UBXN11: variants seen among roughly 807,000 people sequenced by gnomAD.
UBXN11 encodes UBX domain-containing protein 11.
In UBXN11, 47 loss-of-function variants were observed where a neutral mutation model predicts 62.8. The observed-to-expected ratio is 0.75, with a 90% CI of 0.59 to 0.95. The LOEUF (loss-of-function observed/expected upper bound fraction) is 0.95, where lower values mean the gene tolerates loss of function less well. UBXN11 is among the 40% of genes least tolerant of loss of function. The pLI is 0.00. For missense variants in UBXN11, 638 were observed against 661.7 expected (o/e 0.96, Z 0.39); for synonymous variants, 294 against 267.0 (o/e 1.10, Z -0.99).
chr1:26,301,731 C>T lies in UBXN11; in HGVS notation c.72-9G>A, dbSNP rs753243324. The T allele has an allele frequency of 6.2e-7, 1 of 1,613,954 alleles. No individual in the cohort carries two copies. The highest frequency in any genetic ancestry group is 1.7e-5 in the Admixed American group (1 of 59,996). On this transcript the variant is annotated splice_polypyrimidine_tract_variant and intron_variant, in intron 2 of 14. Coordinates refer to ENST00000374222, the MANE Select transcript of UBXN11 (RefSeq NM_001389556.1). ...TGCGGATTCCTCGCCTCCTGGGAACCCAGGCAGGAAGAAGGAAGAAATATA... is the reference window on the plus strand; with the variant it reads ...TGCGGATTCCTCGCCTCCTGGGAACTCAGGCAGGAAGAAGGAAGAAATATA...
At chr1:26,306,748 TA>T (rs2073677283), upstream of UBXN11, 1 of 144,974 alleles carries the variant, frequency 6.9e-6, no homozygotes, top group South Asian at 2.2e-4. Context: ...GCTCGGATTC[TA>T]TTGGCCCACA....
At chr1:26,285,729 C>T (rs986648095) in intron 9 of UBXN11, 94 bp downstream of exon 9, 72 of 1,474,528 alleles carry the variant, frequency 4.9e-5, no homozygotes, top group Middle Eastern at 4.8e-4. Flanking sequence ...CCGTGGAGGG[C>T]AGGCTGGGCC....
chr1:26,302,113 C>T (rs932182149), intron 2 of UBXN11, among the ~76,000 whole-genome samples: 3 of 152,136 alleles, frequency 2.0e-5, no homozygotes, highest in Non-Finnish European at 4.4e-5. Flanking sequence ...GCTGGTAATT[C>T]CAGCACTTTG....
chr1:26,293,168 C>G (rs1334039964), intron 8 of UBXN11, among the ~76,000 whole-genome samples: 1 of 152,216 alleles, frequency 6.6e-6, no homozygotes, highest in African/African-American at 2.4e-5. Flanking sequence ...CTCCTTGTAA[C>G]TCCCAGGGAA....
chr1:26,286,132 T>A, intron 8 of UBXN11, 95 bp from the exon 9 acceptor site: 1 of 1,153,584 alleles, frequency 8.7e-7, no homozygotes, highest in South Asian at 1.6e-5. Flanking sequence ...TGGGCAGTGG[T>A]CTTAATGTCT....
intron 6 of UBXN11, 149 bp downstream of exon 6, chr1:26,297,278 G>T: frequency 2.1e-6 from 2 of 945,574 alleles, no homozygotes; most frequent in Non-Finnish European, 3.1e-6. Context: ...ATATGCTGCA[G>T]CCCCTCTGTG....
chr1:26,294,980 C>T (rs1479237484), intron 7 of UBXN11, among the ~76,000 whole-genome samples: 2 of 152,184 alleles, frequency 1.3e-5, no homozygotes, highest in African/African-American at 4.8e-5. Flanking sequence ...ACCGTTTCCC[C>T]TTCCTATCCA....
chr1:26,284,603 A>G (rs904309027), intron 10 of UBXN11, 121 bp from the exon 11 acceptor site: 5 of 1,410,294 alleles, frequency 3.5e-6, no homozygotes, highest in African/African-American at 1.5e-5. Context: ...CCCATTTTAC[A>G]TATGAGGAAA....
At chr1:26,292,796 G>A (rs184347942) in intron 8 of UBXN11, among the ~76,000 whole-genome samples, 92 of 152,156 alleles carry the variant, frequency 6.0e-4, no homozygotes, top group African/African-American at 2.1e-3. Flanking sequence ...AGAGGTTGCA[G>A]TGAGCCGAGA....
Position 26,284,299 on chromosome 1 carries a change from G to T in UBXN11, c.974-54C>A, listed in dbSNP as rs562186256. On this transcript the variant is annotated intron_variant, in intron 11 of 14. Transcript: ENST00000374222. ...AGGAAGGACTATGAGTGGTGGTGGA[G>T]CCCCCCTGGAGTTTGTTCTGCAGTC... is the stretch of plus-strand genomic sequence containing the variant. 9.9e-5 allele frequency: 159 copies of T among 1,610,434 alleles called. 2 individuals carry two copies. In the South Asian group the frequency reaches 1.7e-3, roughly 17 times the overall value.
intron 4 of UBXN11, among the ~76,000 whole-genome samples, chr1:26,299,857 T>C (rs1392107797): frequency 6.6e-6 from 1 of 151,726 alleles, no homozygotes; most frequent in African/African-American, 2.4e-5. Context: ...TGGCTGGGTA[T>C]GGTGGCTCAT....
intron 4 of UBXN11, among the ~76,000 whole-genome samples, chr1:26,299,746 G>A (rs1160330633): frequency 1.3e-5 from 2 of 152,094 alleles, no homozygotes; most frequent in Non-Finnish European, 2.9e-5. Flanking sequence ...ATATTGGCTG[G>A]GAGTGGGAGA....
upstream of UBXN11, among the ~76,000 whole-genome samples, chr1:26,311,140 C>CTTT (rs58696772): frequency 2.0e-3 from 277 of 136,024 alleles, 3 homozygotes; most frequent in African/African-American, 6.9e-3. Flanking sequence ...AGTCTCTATT[C>CTTT]TTTTTTTTTT....
Position 26,282,405 on chromosome 1 carries a change from C to G in UBXN11, c.1457G>C (p.Cys486Ser), listed in dbSNP as rs72872911. 5,694 of 1,235,162 alleles carry G rather than the reference C, an allele frequency of 4.6e-3. 255 individuals are homozygous for G. In the African/African-American group the frequency reaches 0.096, roughly 21 times the overall value. 76.5% of individuals were successfully genotyped at this position (1,235,162 alleles called of 1,614,324 possible). Residue 486 changes from cysteine to serine, a missense_variant, in exon 15 of 15, where the codon TGT becomes TCT. Physicochemically the swap from Cys to Ser is moderately radical, Grantham distance 112. Coordinates refer to ENST00000374222, the MANE Select transcript of UBXN11 (RefSeq NM_001389556.1). Reference protein sequence around the residue: ...KSSLKFSPGPCPGPGPGPSPG... With the variant: ...KSSLKFSPGPSPGPGPGPSPG... Reference sequence around the variant, plus strand: ...ACTGGGGCCGGGACCGGGACCGGGACAGGGACCAGGACTGAATTTCAGGCT... The same window carrying G: ...ACTGGGGCCGGGACCGGGACCGGGAGAGGGACCAGGACTGAATTTCAGGCT...
At chr1:26,289,203 T>G (rs2073201130) in intron 8 of UBXN11, among the ~76,000 whole-genome samples, 1 of 152,116 alleles carries the variant, frequency 6.6e-6, no homozygotes, top group Non-Finnish European at 1.5e-5. Context: ...AGCTTCCTCT[T>G]CTGTACAATG....
chr1:26,317,066 TAAA>T (rs5773158), intron 1 of UBXN11, among the ~76,000 whole-genome samples: 44 of 135,714 alleles, frequency 3.2e-4, no homozygotes, highest in Non-Finnish European at 3.9e-4. Flanking sequence ...CAGTCTCCGC[TAAA>T]AAAAAAAAAA....
intron 8 of UBXN11, among the ~76,000 whole-genome samples, chr1:26,286,738 T>C (rs2124637274): frequency 6.6e-6 from 1 of 152,262 alleles, no homozygotes; most frequent in South Asian, 2.1e-4. Context: ...TCACTCTTGT[T>C]GTCCAGGCTG....
At chr1:26,282,624 G>A (rs2073025843) in intron 14 of UBXN11, 25 bp downstream of exon 14, 1 of 1,613,218 alleles carries the variant, frequency 6.2e-7, no homozygotes, top group Non-Finnish European at 8.5e-7. Flanking sequence ...GCCCCTCTGT[G>A]GCCCTGGCCC....
chr1:26,313,335 T>G (rs2073761817), intron 1 of UBXN11, among the ~76,000 whole-genome samples: 1 of 152,212 alleles, frequency 6.6e-6, no homozygotes, highest in Non-Finnish European at 1.5e-5. Flanking sequence ...ATGCCTGGTC[T>G]TCTCTTGTTC....
Sources: allele counts gnomAD v4.1 joint callset (sites outside exome capture counted in the v4.1 genomes callset), GRCh38; gene constraint gnomAD v4.1.1; transcripts MANE v1.5; gene names NCBI Gene and HGNC (gene_info 2026-07-23, HGNC 2026-07-21).